Variants in KIF4B observed in about 807,000 individuals in gnomAD.
KIF4B encodes kinesin family member 4B.
KIF4B carries 60 observed loss-of-function variants against 69.0 expected under a neutral mutation model. That is an observed-to-expected ratio of 0.87 (90% CI 0.71 to 1.08). The LOEUF (loss-of-function observed/expected upper bound fraction) is 1.08, where lower values mean the gene tolerates loss of function less well. KIF4B is among the 50% of genes least tolerant of loss of function. The pLI is 0.00. For missense variants in KIF4B, 1,357 were observed against 1,451.9 expected (o/e 0.93, Z 1.06); for synonymous variants, 489 against 533.0 (o/e 0.92, Z 1.14).
Position 155,014,862 on chromosome 5 carries a change from A to G in KIF4B, c.1003A>G (p.Lys335Glu), listed in dbSNP as rs1435669948. Reference sequence around the variant, plus strand: ...CCTTCGCTATGCTGACAGAGCAAGAAAAATCAAGAACAAACCTATTGTTAA... The same window carrying G: ...CCTTCGCTATGCTGACAGAGCAAGAGAAATCAAGAACAAACCTATTGTTAA... The part of the protein sequence containing the change: ...STLRYADRAR[K>E]IKNKPIVNID... Residue 335 changes from lysine (K) to glutamate (E), a missense_variant, in exon 1 of 1, where the codon AAA (lysine) becomes GAA (glutamate). Coordinates refer to ENST00000435029, the MANE Select transcript of KIF4B (RefSeq NM_001099293.3). 1 of 1,614,182 alleles carries G rather than the reference A, an allele frequency of 6.2e-7. No individual in the cohort carries two copies. The highest frequency in any genetic ancestry group is 1.3e-5 in the African/African-American group (1 of 75,042).
rs1439422015 is a variant in KIF4B, at chr5:155,014,243, A to G, written c.384A>G (p.Lys128=). The G allele has an allele frequency of 6.2e-7, 1 of 1,614,250 alleles. No individual in the cohort carries two copies. The highest frequency in any genetic ancestry group is 1.7e-5 in the Admixed American group (1 of 60,036). The change falls in exon 1 of 1, where the codon AAA becomes AAG. Residue 128 remains lysine, a synonymous_variant. Transcript: ENST00000435029. ...AACTGCTCTTCAAAGAAATTGATAA[A>G]AAGAGTGACTTTGAATTTACTCTGA... The part of the protein sequence containing the change: ...VIQLLFKEID[K]KSDFEFTLKV...
rs1765353326 is a variant in KIF4B, at chr5:155,017,605, A to T, written c.*41A>T. ...CTCTACCCCCAATCTGGCTTGGGAGATGCTTTCCAGTTGCAGCCAGAAGGG... is the reference window on the plus strand; with the variant it reads ...CTCTACCCCCAATCTGGCTTGGGAGTTGCTTTCCAGTTGCAGCCAGAAGGG... On this transcript the variant is annotated 3_prime_UTR_variant, in exon 1 of 1. Transcript: ENST00000435029. The T allele has an allele frequency of 1.9e-6, 3 of 1,572,862 alleles. No individual in the cohort carries two copies. Among genetic ancestry groups the T allele is most frequent in the Non-Finnish European group, 2.6e-6 (3 of 1,163,572 alleles).
rs2113054234 is a variant in KIF4B at position 155,014,625 on chromosome 5, C to T, written c.766C>T (p.Arg256Cys). 8 of 1,614,046 alleles carry T rather than the reference C, an allele frequency of 5.0e-6. No homozygotes were observed. The highest frequency in any genetic ancestry group is 2.2e-5 in the East Asian group (1 of 44,884). The change falls in exon 1 of 1, where the codon CGT (arginine) becomes TGT (cysteine). Residue 256 changes from arginine to cysteine, a missense_variant. Arg to Cys is a radical substitution (Grantham distance 180, BLOSUM62 -3). Coordinates refer to ENST00000435029, the MANE Select transcript of KIF4B (RefSeq NM_001099293.3). ...RQKKTKAEGD[R>C]LKEGININRG... is the part of the protein sequence containing the mutation. ...GAAGAAAACCAAGGCTGAAGGGGAT[C>T]GTCTAAAAGAGGGTATTAATATTAA...
Position 155,017,690 on chromosome 5 carries a change from C to T in KIF4B, c.*126C>T. ...TTGCCGTTGAAAAAAAGGAACAAAG[C>T]ATTACTAAAAAGAAGGTAACCTTTG... On this transcript the variant is annotated 3_prime_UTR_variant, in exon 1 of 1. Transcript: ENST00000435029. The T allele has an allele frequency of 7.0e-7, 1 of 1,431,326 alleles. No individual in the cohort carries two copies. The highest frequency in any genetic ancestry group is 9.2e-7 in the Non-Finnish European group (1 of 1,082,448). 88.7% of individuals were successfully genotyped at this position (1,431,326 alleles called of 1,614,324 possible).
Position 155,014,767 on chromosome 5 carries a change from G to A in KIF4B, c.908G>A (p.Gly303Asp), listed in dbSNP as rs767729424. Residue 303 changes from glycine to aspartate, a missense_variant, in exon 1 of 1, where the codon GGT becomes GAT. By Grantham distance (94) the Gly-to-Asp change is moderately conservative (BLOSUM62 -1). Coordinates refer to ENST00000435029, the MANE Select transcript of KIF4B (RefSeq NM_001099293.3). ...LTRLLQDSLG[G>D]NSHTLMIACV... Reference sequence around the variant, plus strand: ...CGACTGCTGCAAGATTCTCTAGGAGGTAACAGCCACACTCTTATGATAGCC... The same window carrying A: ...CGACTGCTGCAAGATTCTCTAGGAGATAACAGCCACACTCTTATGATAGCC... The A allele has an allele frequency of 6.2e-7, 1 of 1,614,068 alleles. No homozygotes were observed. Among genetic ancestry groups the A allele is most frequent in the South Asian group, 1.1e-5 (1 of 91,064 alleles).
At position 155,014,468 on chromosome 5, in the gene KIF4B, A is replaced by G; in HGVS notation, c.609A>G (p.Thr203=). The part of the protein sequence containing the change: ...QGNNSRTVAS[T]AMNSQSSRSH... ...ACAACTCTAGGACTGTGGCCTCCAC[A>G]GCTATGAACTCCCAGTCGTCCCGAT... The change falls in exon 1 of 1, where the codon ACA becomes ACG. Residue 203 remains threonine, a synonymous_variant. Coordinates refer to ENST00000435029, the MANE Select transcript of KIF4B (RefSeq NM_001099293.3). 1.9e-6 allele frequency: 3 copies of G among 1,614,162 alleles called. No individual in the cohort carries two copies. The highest frequency in any genetic ancestry group is 2.5e-6 in the Non-Finnish European group (3 of 1,180,018).
Position 155,014,506 on chromosome 5 carries a change from T to G in KIF4B, c.647T>G (p.Phe216Cys). ...NSQSSRSHAIFTISIEQRKKS... is the reference protein window; with the variant it reads ...NSQSSRSHAICTISIEQRKKS... ...CAGTCGTCCCGATCTCATGCCATCT[T>G]TACAATCTCCATAGAGCAAAGAAAG... The change falls in exon 1 of 1, where the codon TTT becomes TGT. Residue 216 changes from phenylalanine to cysteine, a missense_variant. Phe to Cys is a radical substitution (Grantham distance 205). Transcript: ENST00000435029. 6.2e-7 allele frequency: 1 copy of G among 1,614,088 alleles called. No individual in the cohort carries two copies. Among genetic ancestry groups the G allele is most frequent in the Non-Finnish European group, 8.5e-7 (1 of 1,179,976 alleles).
Position 155,016,416 on chromosome 5 carries a change from T to G in KIF4B, c.2557T>G (p.Cys853Gly). The stretch of plus-strand genomic sequence containing the variant: ...AGAAAGTGAAGATAGGCCAAAACAA[T>G]GCTGGGAGAATATTGCCACCATTCT... The part of the protein sequence containing the change: ...DAESEDRPKQ[C>G]WENIATILEA... The change falls in exon 1 of 1, where the codon TGC becomes GGC. Residue 853 changes from cysteine to glycine, a missense_variant. Cys to Gly is a radical substitution (Grantham distance 159). Transcript: ENST00000435029. The G allele has an allele frequency of 1.9e-6, 3 of 1,614,186 alleles. No homozygotes were observed. Among genetic ancestry groups the G allele is most frequent in the Non-Finnish European group, 2.5e-6 (3 of 1,180,036 alleles).
rs1261157043 is a variant in KIF4B, at chr5:155,017,206, C to A, written c.3347C>A (p.Pro1116His). ...TGTGGTGTGGACTGTAGCTGTGACC[C>A]CACAAAGTGTCGGAACCGCCAGCAA... ...SDCGVDCSCDPTKCRNRQQGK... is the reference protein window; with the variant it reads ...SDCGVDCSCDHTKCRNRQQGK... Residue 1116 changes from proline to histidine, a missense_variant, in exon 1 of 1, where the codon CCC (proline) becomes CAC (histidine). Physicochemically the swap from Pro to His is moderately conservative, Grantham distance 77. Transcript: ENST00000435029. 2.5e-6 allele frequency: 4 copies of A among 1,614,148 alleles called. No homozygotes were observed. Among genetic ancestry groups the A allele is most frequent in the Non-Finnish European group, 3.4e-6 (4 of 1,180,018 alleles).
chr5:155,015,127 C>G lies in KIF4B; in HGVS notation c.1268C>G (p.Thr423Arg), dbSNP rs1424237824. ...TAQMLERIIL[T>R]EQVNEKLNAK... ...CAGATGTTGGAGAGGATCATTTTGACAGAGCAAGTGAATGAAAAACTGAAC... is the reference window on the plus strand; with the variant it reads ...CAGATGTTGGAGAGGATCATTTTGAGAGAGCAAGTGAATGAAAAACTGAAC... The change falls in exon 1 of 1, where the codon ACA becomes AGA. Residue 423 changes from threonine to arginine, a missense_variant. By Grantham distance (71) the Thr-to-Arg change is moderately conservative (BLOSUM62 -1). Coordinates refer to ENST00000435029, the MANE Select transcript of KIF4B (RefSeq NM_001099293.3). 1 of 1,614,082 alleles carries G rather than the reference C, an allele frequency of 6.2e-7. No individual in the cohort carries two copies. Among genetic ancestry groups the G allele is most frequent in the Non-Finnish European group, 8.5e-7 (1 of 1,180,050 alleles).
Position 155,016,766 on chromosome 5 carries a change from A to C in KIF4B, c.2907A>C (p.Glu969Asp). The C allele has an allele frequency of 1.2e-6, 2 of 1,614,166 alleles. No homozygotes were observed. Among genetic ancestry groups the C allele is most frequent in the South Asian group, 2.2e-5 (2 of 91,074 alleles). Residue 969 changes from glutamate to aspartate, a missense_variant, in exon 1 of 1, where the codon GAA becomes GAC. Transcript: ENST00000435029. Reference protein sequence around the residue: ...LVSTLQCQDEELEKMREVCEQ... With the variant: ...LVSTLQCQDEDLEKMREVCEQ... The stretch of plus-strand genomic sequence containing the variant: ...GCACACTGCAGTGTCAGGATGAAGA[A>C]CTTGAGAAGATGCGAGAAGTGTGTG...
At position 155,015,249 on chromosome 5, in the gene KIF4B, G is replaced by C; in HGVS notation, c.1390G>C (p.Glu464Gln). Residue 464 changes from glutamate to glutamine, a missense_variant, in exon 1 of 1, where the codon GAG (glutamate) becomes CAG (glutamine). By Grantham distance (29) the Glu-to-Gln change is conservative. Coordinates refer to ENST00000435029, the MANE Select transcript of KIF4B (RefSeq NM_001099293.3). ...AGACCAGGAATTGAAAGAAAATGTA[G>C]AGATAATTTGTAACCTGCAGCAACT... ...LEDQELKENV[E>Q]IICNLQQLIT... 6.2e-7 allele frequency: 1 copy of C among 1,614,230 alleles called. No homozygotes were observed. The highest frequency in any genetic ancestry group is 1.6e-4 in the Middle Eastern group (1 of 6,062).
At position 155,014,966 on chromosome 5, in the gene KIF4B, T is replaced by C; in HGVS notation, c.1107T>C (p.His369=). The C allele has an allele frequency of 6.2e-7, 1 of 1,614,204 alleles. No individual in the cohort carries two copies. The highest frequency in any genetic ancestry group is 1.3e-5 in the African/African-American group (1 of 75,064). The change falls in exon 1 of 1, where the codon CAT becomes CAC. Residue 369 remains histidine, a synonymous_variant. Transcript: ENST00000435029. ...QQLQVLLLQA[H]GGTLPGSINA... ...TACAAGTCTTGTTGCTACAAGCCCA[T>C]GGAGGTACCCTGCCTGGATCTATAA...
Position 155,016,163 on chromosome 5 carries a change from T to G in KIF4B, c.2304T>G (p.Leu768=). 1 of 1,614,150 alleles carries G rather than the reference T, an allele frequency of 6.2e-7. No individual in the cohort carries two copies. The highest frequency in any genetic ancestry group is 1.1e-5 in the South Asian group (1 of 91,080). ...CCAAACGCCATCTGAATGACCTCCTTGAAGACAGAAAGATCCTGGCTCAGG... is the reference window on the plus strand; with the variant it reads ...CCAAACGCCATCTGAATGACCTCCTGGAAGACAGAAAGATCCTGGCTCAGG... ...EEAKRHLNDL[L]EDRKILAQDV... is the part of the protein sequence containing the mutation. Residue 768 remains leucine, a synonymous_variant, in exon 1 of 1, where the codon CTT becomes CTG. Transcript: ENST00000435029.
In KIF4B at chr5:155,018,090, A is replaced by T. The variant is rs1246425418; in HGVS notation, c.*526A>T. 5.9e-6 allele frequency: 1 copy of T among 168,086 alleles called. No homozygotes were observed. Among genetic ancestry groups the T allele is most frequent in the Non-Finnish European group, 1.5e-5 (1 of 68,920 alleles). The allele number at this position is 168,086 out of a possible 1,614,324, so 10.4% of individuals were successfully genotyped here. A position where few individuals can be genotyped will look rare whatever the true frequency, so the allele number is the denominator to read the frequency against. Reference sequence around the variant, plus strand: ...GCCATGTTGTTGAAGTAAATGAATTATTTTTAAATGTTAAGTAAATAAACC... The same window carrying T: ...GCCATGTTGTTGAAGTAAATGAATTTTTTTTAAATGTTAAGTAAATAAACC... On this transcript the variant is annotated 3_prime_UTR_variant, in exon 1 of 1. Transcript: ENST00000435029.
Position 155,013,980 on chromosome 5 carries a change from G to T in KIF4B, c.121G>T (p.Val41Leu), listed in dbSNP as rs748931477. ...TTCCTTCGTGCCCGGGGAGACTCAG[G>T]TGGTGGTTGGTACTGATAAATCCTT... ...CLSFVPGETQVVVGTDKSFTY... is the reference protein window; with the variant it reads ...CLSFVPGETQLVVGTDKSFTY... Residue 41 changes from valine (V) to leucine (L), a missense_variant, in exon 1 of 1, where the codon GTG becomes TTG. Coordinates refer to ENST00000435029, the MANE Select transcript of KIF4B (RefSeq NM_001099293.3). The T allele has an allele frequency of 2.5e-6, 4 of 1,614,252 alleles. No individual in the cohort carries two copies. The South Asian group carries it at 4.4e-5, about 18-fold the overall frequency.
chr5:155,013,874 G>A lies in KIF4B; in HGVS notation c.15G>A (p.Val5=). 1 of 1,613,534 alleles carries A rather than the reference G, an allele frequency of 6.2e-7. No homozygotes were observed. The highest frequency in any genetic ancestry group is 8.5e-7 in the Non-Finnish European group (1 of 1,180,038). MKEE[V]KGIPVRVALR... Reference sequence around the variant, plus strand: ...GAGATAGGATCATGAAGGAAGAGGTGAAGGGAATTCCTGTAAGAGTGGCAC... The same window carrying A: ...GAGATAGGATCATGAAGGAAGAGGTAAAGGGAATTCCTGTAAGAGTGGCAC... Residue 5 remains valine (V), a synonymous_variant, in exon 1 of 1, where the codon GTG becomes GTA. Coordinates refer to ENST00000435029, the MANE Select transcript of KIF4B (RefSeq NM_001099293.3).
chr5:155,016,318 T>G lies in KIF4B; in HGVS notation c.2459T>G (p.Ile820Ser). The G allele has an allele frequency of 6.2e-7, 1 of 1,614,142 alleles. No individual in the cohort carries two copies. The highest frequency in any genetic ancestry group is 8.5e-7 in the Non-Finnish European group (1 of 1,180,014). The change falls in exon 1 of 1, where the codon ATT becomes AGT. Residue 820 changes from isoleucine (I) to serine (S), a missense_variant. By Grantham distance (142) the Ile-to-Ser change is moderately radical (BLOSUM62 -2). Transcript: ENST00000435029. ...LESEDCITKQ[I>S]ESLETEMELR... ...TCAGAAGATTGTATTACAAAACAGATTGAAAGCCTAGAGACTGAAATGGAA... is the reference window on the plus strand; with the variant it reads ...TCAGAAGATTGTATTACAAAACAGAGTGAAAGCCTAGAGACTGAAATGGAA...
Position 155,016,682 on chromosome 5 carries a change from C to G in KIF4B, c.2823C>G (p.Ser941Arg), listed in dbSNP as rs754074497. 7 of 1,614,054 alleles carry G rather than the reference C, an allele frequency of 4.3e-6. No homozygotes were observed. The highest frequency in any genetic ancestry group is 4.2e-6 in the Non-Finnish European group (5 of 1,180,034). ...ACCTTGTCAGCCAGCTGCAGGAAAGCCAAATGGCAGAGAAGCAGTTAGAGA... is the reference window on the plus strand; with the variant it reads ...ACCTTGTCAGCCAGCTGCAGGAAAGGCAAATGGCAGAGAAGCAGTTAGAGA... ...VLYLVSQLQE[S>R]QMAEKQLEKS... Residue 941 changes from serine to arginine, a missense_variant, in exon 1 of 1, where the codon AGC becomes AGG. Coordinates refer to ENST00000435029, the MANE Select transcript of KIF4B (RefSeq NM_001099293.3).
Sources: gnomAD v4.1 joint callset for allele counts on GRCh38, gnomAD v4.1.1 for gene constraint, MANE v1.5 for transcripts, NCBI Gene and HGNC (gene_info 2026-07-23, HGNC 2026-07-21) for gene names.